The following DMD variants were observed in gnomAD, a reference collection of about 807,000 sequenced individuals.
The protein encoded by DMD is dystrophin.
A neutral mutation model predicts 330.1 loss-of-function variants in DMD; 63 were observed. The observed-to-expected ratio is 0.19, with a 90% CI of 0.16 to 0.24. The LOEUF is 0.24. Among genes scored for constraint, DMD ranks in the 10% least tolerant of loss-of-function variants. DMD has a pLI of 1.00. For missense variants in DMD, 3,344 were observed against 2,684.1 expected, an observed-to-expected ratio of 1.25 and a Z score of -5.43; for synonymous variants, 1,223 against 959.8, an observed-to-expected ratio of 1.27 and a Z score of -5.07.
At chrX:32,317,652 TTA>T (rs1393650389) in intron 41 of DMD, among the ~76,000 whole-genome samples, 1 of 111,301 alleles carries the variant, frequency 9.0e-6, no homozygotes, top group Non-Finnish European at 1.9e-5. Context: ...ACTGGCCCAT[TTA>T]TGAGTTATGA....
At chrX:32,058,961 C>A (rs1272646483) in intron 44 of DMD, among the ~76,000 whole-genome samples, 1 of 111,143 alleles carries the variant, frequency 9.0e-6, no homozygotes, top group African/African-American at 3.3e-5. Flanking sequence ...AATCTTGTAG[C>A]CATTTTGCTA....
chrX:32,850,744 T>C (rs2081072531), intron 2 of DMD, among the ~76,000 whole-genome samples: 1 of 111,940 alleles, frequency 8.9e-6, no homozygotes, highest in Non-Finnish European at 1.9e-5. Flanking sequence ...ACCAAATCGT[T>C]TTCTGCTTAA....
intron 7 of DMD, among the ~76,000 whole-genome samples, chrX:32,735,515 A>G (rs1367255596): frequency 9.0e-6 from 1 of 111,556 alleles, no homozygotes; most frequent in Non-Finnish European, 1.9e-5. Flanking sequence ...ACTTCAAACT[A>G]TACTACAAGG....
chrX:32,684,593 T>C (rs1405879985), intron 9 of DMD, among the ~76,000 whole-genome samples: 1 of 111,854 alleles, frequency 8.9e-6, no homozygotes, highest in Non-Finnish European at 1.9e-5. Flanking sequence ...CTTACAACTT[T>C]TGATGTTTCC....
At position 33,034,310 on chromosome X, in the gene DMD, C is replaced by T. The variant is rs561952616; in HGVS notation, c.32-14110G>A. Among the ~76,000 whole-genome samples, 13 of 111,512 alleles carry T rather than the reference C, an allele frequency of 1.2e-4. 1 individual carries two copies. The Middle Eastern group carries it at 0.019, about 163-fold the overall frequency. ...AATTTAAAGATTTGATCATTCCGAG[C>T]GCCTACTAAACGAATTATAAAGGGA... On this transcript the variant is annotated intron_variant, in intron 1 of 78. Coordinates refer to ENST00000357033, the MANE Select transcript of DMD (RefSeq NM_004006.3).
intron 51 of DMD, among the ~76,000 whole-genome samples, chrX:31,773,724 C>CTTTTTTTTTTTTTTTTTTTTTTT (rs762551529): frequency 6.2e-4 from 33 of 53,495 alleles, no homozygotes; most frequent in South Asian, 9.2e-4. Context: ...AAGGTTTCTG[C>CTTTTTTTTTTTTTTTTTTTTTTT]TTTTTTTTTT....
intron 9 of DMD, among the ~76,000 whole-genome samples, chrX:32,655,619 A>C (rs967603165): frequency 8.9e-6 from 1 of 111,838 alleles, no homozygotes; most frequent in Non-Finnish European, 1.9e-5. Flanking sequence ...TAATCTGTTG[A>C]TTAGGGGTGG....
At chrX:32,231,163 C>T (rs1349526647) in intron 43 of DMD, among the ~76,000 whole-genome samples, 1 of 111,799 alleles carries the variant, frequency 8.9e-6, no homozygotes, top group African/African-American at 3.2e-5. Context: ...TCGTTCTCAA[C>T]GAGGGAGGAA....
chrX:32,322,470 A>T (rs944207398), intron 41 of DMD, among the ~76,000 whole-genome samples: 1 of 111,006 alleles, frequency 9.0e-6, no homozygotes, highest in Non-Finnish European at 1.9e-5. Flanking sequence ...GGCTGAGGCA[A>T]TAGGATCTCC....
Position 32,849,828 on chromosome X carries a change from T to A in DMD, c.94-8A>T, listed in dbSNP as rs767737788. 2 of 1,127,911 alleles carry A rather than the reference T, an allele frequency of 1.8e-6. No individual in the cohort carries two copies. The highest frequency in any genetic ancestry group is 2.4e-6 in the Non-Finnish European group (2 of 822,285). 93.0% of individuals were successfully genotyped at this position (1,127,911 alleles called of 1,213,427 possible). A position where few individuals can be genotyped will look rare whatever the true frequency, so the allele number is the denominator to read the frequency against. The stretch of plus-strand genomic sequence containing the variant: ...AATATGCTGCTTCCCAAACTGAAAT[T>A]AAAAAAAATACACTCAATTTAACAA... On this transcript the variant is annotated splice_region_variant and splice_polypyrimidine_tract_variant and intron_variant, in intron 2 of 78. Transcript: ENST00000357033.
At chrX:31,634,154 A>G (rs769557940) in intron 54 of DMD, among the ~76,000 whole-genome samples, 14 of 112,672 alleles carry the variant, frequency 1.2e-4, no homozygotes, top group African/African-American at 3.5e-4. Flanking sequence ...AAGGGAACAC[A>G]TACATACAAA....
chrX:32,613,018 A>C (rs778345476), intron 12 of DMD, among the ~76,000 whole-genome samples: 19 of 111,840 alleles, frequency 1.7e-4, no homozygotes, highest in Non-Finnish European at 3.2e-4. Flanking sequence ...ATTAAGTTTG[A>C]CAAAAGGCAG....
chrX:33,179,264 A>ACG (rs2049835717), intron 1 of DMD, among the ~76,000 whole-genome samples: 1 of 112,093 alleles, frequency 8.9e-6, no homozygotes, highest in East Asian at 2.8e-4. Context: ...CGAGGGATTT[A>ACG]ATGTAACTAT....
At chrX:32,951,557 T>C (rs1217553640) in intron 2 of DMD, among the ~76,000 whole-genome samples, 1 of 111,307 alleles carries the variant, frequency 9.0e-6, no homozygotes, top group Non-Finnish European at 1.9e-5. Context: ...TGAGATGAAT[T>C]ACTTGACAGT....
chrX:33,171,096 C>T (rs537095541), intron 1 of DMD, among the ~76,000 whole-genome samples: 2 of 111,453 alleles, frequency 1.8e-5, no homozygotes, highest in African/African-American at 6.5e-5. Context: ...GTTTTAAAAT[C>T]AGATCTTATT....
rs1444823000 is a variant in DMD, at chrX:33,005,265, C to A, written c.93+14874G>T. On this transcript the variant is annotated intron_variant, in intron 2 of 78. Transcript: ENST00000357033. ...GTAATGTACAAACTTTTGGACTTTA[C>A]ACACACACAAACACACACACACACA... 3.9e-5 allele frequency among the ~76,000 whole-genome samples: 3 copies of A among 76,300 alleles called. No homozygotes were observed. In the Admixed American group the frequency reaches 4.2e-4, roughly 11 times the overall value. The allele number at this position is 76,300 out of a possible 115,157, so 66.3% of individuals were successfully genotyped here. A position where few individuals can be genotyped will look rare whatever the true frequency, so the allele number is the denominator to read the frequency against.
intron 30 of DMD, among the ~76,000 whole-genome samples, chrX:32,397,129 G>A (rs918082621): frequency 1.8e-5 from 2 of 111,366 alleles, no homozygotes. Context: ...GGGGATAGAA[G>A]ATTCAATCTG....
chrX:33,206,251 T>A (rs2051564291), intron 1 of DMD, among the ~76,000 whole-genome samples: 1 of 112,274 alleles, frequency 8.9e-6, no homozygotes, highest in Non-Finnish European at 1.9e-5. Flanking sequence ...AATCAATTCA[T>A]CAATTTGCTA....
rs758039906 is a variant in DMD at position 31,520,740 on chromosome X, C to T, written c.8218-13287G>A. ...TGTTGCCCAGGCTGGAGTGCAGTGG[C>T]GCGATCTCGGCTCACTGCAAGCTCC... On this transcript the variant is annotated intron_variant, in intron 55 of 78. Coordinates refer to ENST00000357033, the MANE Select transcript of DMD (RefSeq NM_004006.3). Among the ~76,000 whole-genome samples the T allele has an allele frequency of 2.6e-3, 283 of 108,812 alleles. 3 individuals carry two copies. The highest frequency in any genetic ancestry group is 2.5e-3 in the Non-Finnish European group (132 of 52,089). The allele number at this position is 108,812 out of a possible 115,157, so 94.5% of individuals were successfully genotyped here. A position where few individuals can be genotyped will look rare whatever the true frequency, so the allele number is the denominator to read the frequency against.
Sources: gnomAD v4.1 joint callset for allele counts (sites outside exome capture counted in the v4.1 genomes callset) on GRCh38, gnomAD v4.1.1 for gene constraint, MANE v1.5 for transcripts, NCBI Gene and HGNC (gene_info 2026-07-23, HGNC 2026-07-21) for gene names.